UBE2R2: variants seen among roughly 807,000 people sequenced by gnomAD.
UBE2R2 encodes ubiquitin conjugating enzyme E2 R2.
UBE2R2 carries 1 observed loss-of-function variant against 27.8 expected under a neutral mutation model. That is an observed-to-expected ratio of 0.04 (90% CI 0.01 to 0.17). The LOEUF (loss-of-function observed/expected upper bound fraction) is 0.17, where lower values mean the gene tolerates loss of function less well. Ranked by LOEUF, UBE2R2 falls within the 10% of genes least tolerant of loss-of-function variation. The pLI is 1.00. For synonymous variants in UBE2R2, 106 were observed against 113.3 expected, an observed-to-expected ratio of 0.94 and a Z score of 0.41; for missense variants, 100 against 291.0, an observed-to-expected ratio of 0.34 and a Z score of 4.78.
rs574813531 is a variant in UBE2R2 at position 33,872,895 on chromosome 9, CCGGG to C, written c.178-13984_178-13981del. 5.0e-3 allele frequency among the ~76,000 whole-genome samples: 764 copies of C among 152,144 alleles called. 8 individuals are homozygous for C. Among genetic ancestry groups the C allele is most frequent in the African/African-American group, 0.018 (736 of 41,522 alleles). On this transcript the variant is annotated intron_variant, in intron 1 of 4. Transcript: ENST00000263228. ...TAAATGGTTAAGATTTCATATCAGGCCGGGCTCTGTGGCTCTCACCTGTAATCCC... is the reference window on the plus strand; with the variant it reads ...TAAATGGTTAAGATTTCATATCAGGCCTCTGTGGCTCTCACCTGTAATCCC...
intron 3 of UBE2R2, among the ~76,000 whole-genome samples, chr9:33,902,790 A>G (rs1318266830): frequency 1.3e-5 from 2 of 152,176 alleles, no homozygotes; most frequent in Non-Finnish European, 2.9e-5. Flanking sequence ...ACTCAATTTT[A>G]AATTAGTATT....
intron 1 of UBE2R2, among the ~76,000 whole-genome samples, chr9:33,833,856 G>A (rs1376203349): frequency 6.6e-6 from 1 of 152,032 alleles, no homozygotes; most frequent in Non-Finnish European, 1.5e-5. Flanking sequence ...TTATGAATTT[G>A]TTTATTCTGG....
At chr9:33,855,867 C>T (rs1487705273) in intron 1 of UBE2R2, among the ~76,000 whole-genome samples, 1 of 152,114 alleles carries the variant, frequency 6.6e-6, no homozygotes, top group Admixed American at 6.6e-5. Context: ...CACTTGAGCC[C>T]AGGAGTTCGA....
At chr9:33,912,816 CT>C (rs1478322008) in intron 4 of UBE2R2, among the ~76,000 whole-genome samples, 1 of 152,048 alleles carries the variant, frequency 6.6e-6, no homozygotes, top group African/African-American at 2.4e-5. Flanking sequence ...GGGTCTTTTA[CT>C]TTCTCCTCTG....
At chr9:33,820,408 A>T (rs560121849) in intron 1 of UBE2R2, among the ~76,000 whole-genome samples, 1 of 152,330 alleles carries the variant, frequency 6.6e-6, no homozygotes, top group South Asian at 2.1e-4. Context: ...GTCTTGTGTG[A>T]GAAGTTTGTT....
chr9:33,828,574 A>G (rs946944164), intron 1 of UBE2R2, among the ~76,000 whole-genome samples: 33 of 149,496 alleles, frequency 2.2e-4, no homozygotes, highest in African/African-American at 7.7e-4. Flanking sequence ...TTATTTATTT[A>G]TATTTGAGAT....
chr9:33,897,926 C>T (rs527787536), intron 2 of UBE2R2, among the ~76,000 whole-genome samples: 18 of 151,652 alleles, frequency 1.2e-4, no homozygotes, highest in African/African-American at 4.4e-4. Flanking sequence ...CAGGCATGCA[C>T]CACCACGCCT....
At chr9:33,870,524 G>A (rs1013698932) in intron 1 of UBE2R2, among the ~76,000 whole-genome samples, 1 of 152,174 alleles carries the variant, frequency 6.6e-6, no homozygotes, top group Non-Finnish European at 1.5e-5. Context: ...TTAAAAAGAG[G>A]ATCTTGGGAG....
intron 2 of UBE2R2, among the ~76,000 whole-genome samples, chr9:33,898,603 A>G (rs1317709090): frequency 6.6e-6 from 1 of 152,078 alleles, no homozygotes; most frequent in African/African-American, 2.4e-5. Context: ...TAAAAATATA[A>G]ATCTTAAGTC....
In UBE2R2 at chr9:33,817,949, C is replaced by G; in HGVS notation, c.177+15C>G. 1 of 1,600,184 alleles carries G rather than the reference C, an allele frequency of 6.2e-7. No homozygotes were observed. The highest frequency in any genetic ancestry group is 8.5e-7 in the Non-Finnish European group (1 of 1,173,224). On this transcript the variant is annotated intron_variant, in intron 1 of 4. Coordinates refer to ENST00000263228, the MANE Select transcript of UBE2R2 (RefSeq NM_017811.4). ...GCTACTTCAAGGTACCCTCACCCTCCTCCCGGACCCTGCTTCCGCGGCCGA... is the reference window on the plus strand; with the variant it reads ...GCTACTTCAAGGTACCCTCACCCTCGTCCCGGACCCTGCTTCCGCGGCCGA...
intron 1 of UBE2R2, among the ~76,000 whole-genome samples, chr9:33,864,837 G>A (rs932379107): frequency 5.3e-5 from 8 of 149,664 alleles, no homozygotes; most frequent in Non-Finnish European, 7.4e-5. Context: ...CAATTCTCCC[G>A]CCTCAGCCTC....
rs1024731931 is a variant in UBE2R2 at position 33,817,202 on chromosome 9, T to TCTC, written c.-545_-543dup. Reference sequence around the variant, plus strand: ...CTCCCGCGGCGCGAGGCGCTCTCGCTCTCCTCCTCCTCCGCCGTCGCCCCT... The same window carrying TCTC: ...CTCCCGCGGCGCGAGGCGCTCTCGCTCTCCTCCTCCTCCTCCGCCGTCGCCCCT... On this transcript the variant is annotated 5_prime_UTR_variant, in exon 1 of 5. Coordinates refer to ENST00000263228, the MANE Select transcript of UBE2R2 (RefSeq NM_017811.4). Among the ~76,000 whole-genome samples, 3 of 133,232 alleles carry TCTC rather than the reference T, an allele frequency of 2.3e-5. No individual in the cohort carries two copies. The highest frequency in any genetic ancestry group is 8.2e-5 in the Admixed American group (1 of 12,232). The allele number at this position is 133,232 out of a possible 152,430, so 87.4% of individuals were successfully genotyped here.
intron 1 of UBE2R2, 104 bp downstream of exon 1, chr9:33,818,038 G>A: frequency 7.3e-7 from 1 of 1,377,036 alleles, no homozygotes; most frequent in Admixed American, 2.6e-5. Flanking sequence ...CGGGCGAGTG[G>A]AGGGGGCTTC....
At chr9:33,857,263 G>A (rs530121823) in intron 1 of UBE2R2, among the ~76,000 whole-genome samples, 6 of 151,814 alleles carry the variant, frequency 4.0e-5, no homozygotes, top group African/African-American at 1.2e-4. Flanking sequence ...TCAGAAGACA[G>A]TAGAGATGAG....
At chr9:33,836,699 G>A (rs1032223503) in intron 1 of UBE2R2, among the ~76,000 whole-genome samples, 1 of 151,896 alleles carries the variant, frequency 6.6e-6, no homozygotes, top group African/African-American at 2.4e-5. Context: ...AGAGGATGCA[G>A]TGAGCCAAGA....
At chr9:33,888,144 A>G (rs1821904192) in intron 2 of UBE2R2, among the ~76,000 whole-genome samples, 1 of 152,180 alleles carries the variant, frequency 6.6e-6, no homozygotes, top group Non-Finnish European at 1.5e-5. Context: ...AATGTGGTAT[A>G]TCTTCATGAA....
intron 1 of UBE2R2, among the ~76,000 whole-genome samples, chr9:33,849,214 G>A (rs542706685): frequency 6.6e-6 from 1 of 152,030 alleles, no homozygotes; most frequent in Non-Finnish European, 1.5e-5. Context: ...CCGAGATCTC[G>A]CCATTGCACT....
intron 2 of UBE2R2, among the ~76,000 whole-genome samples, chr9:33,889,451 A>G (rs971799955): frequency 1.3e-5 from 2 of 151,506 alleles, no homozygotes; most frequent in Non-Finnish European, 2.9e-5. Flanking sequence ...TGATCTGCCC[A>G]CCTTGGCCTC....
intron 2 of UBE2R2, among the ~76,000 whole-genome samples, chr9:33,890,765 A>C (rs547654437): frequency 6.6e-6 from 1 of 152,282 alleles, no homozygotes; most frequent in Admixed American, 6.5e-5. Context: ...AGCTGAGATC[A>C]TGCCACTGTA....
Sources: gnomAD v4.1 joint callset for allele counts (sites outside exome capture counted in the v4.1 genomes callset) on GRCh38, gnomAD v4.1.1 for gene constraint, MANE v1.5 for transcripts, NCBI Gene and HGNC (gene_info 2026-07-23, HGNC 2026-07-21) for gene names.